The following LMO3 variants were observed in gnomAD, a reference collection of about 807,000 sequenced individuals.
LMO3 encodes the protein LIM domain only 3, also known as LIM domain only protein 3.
In LMO3, 2 loss-of-function variants were observed where a neutral mutation model predicts 15.8. That is an observed-to-expected ratio of 0.13 (90% confidence interval 0.05 to 0.40). The LOEUF is 0.40. LMO3 is among the 10% of genes least tolerant of loss of function. LMO3 has a pLI of 0.99. For synonymous variants in LMO3, 62 were observed against 63.8 expected, an observed-to-expected ratio of 0.97 and a Z score of 0.13; for missense variants, 86 against 182.2, an observed-to-expected ratio of 0.47 and a Z score of 3.04.
At chr12:16,556,578 A>G (rs927930791) in intron 3 of LMO3, among the ~76,000 whole-genome samples, 1 of 152,248 alleles carries the variant, frequency 6.6e-6, no homozygotes, top group African/African-American at 2.4e-5. Context: ...TTAGACGTCA[A>G]TAAAGTTTGC....
At chr12:16,592,228 A>G (rs898531263) in intron 2 of LMO3, among the ~76,000 whole-genome samples, 1 of 152,086 alleles carries the variant, frequency 6.6e-6, no homozygotes, top group African/African-American at 2.4e-5. Context: ...TAGAACTTTT[A>G]AAGAGATAGC....
chr12:16,564,775 T>C (rs1942532393), intron 2 of LMO3, among the ~76,000 whole-genome samples: 1 of 152,222 alleles, frequency 6.6e-6, no homozygotes, highest in Admixed American at 6.5e-5. Context: ...TTTAATGAGA[T>C]AAATATGCAT....
At position 16,604,361 on chromosome 12, in the gene LMO3, C is replaced by T. The variant is rs555144196; in HGVS notation, c.-9+1705G>A. ...GCCCCCTTCCCTATCCTTCACCCCC[C>T]TCCCCTTTTTGAGCAATGGAGCTGG... On this transcript the variant is annotated intron_variant, in intron 1 of 3. Coordinates refer to ENST00000537304, the MANE Select transcript of LMO3 (RefSeq NM_018640.5). This position sits in a 1 kb window ranked among gnomAD's most constrained non-coding sequence, Gnocchi z 5.3. Among the ~76,000 whole-genome samples the T allele has an allele frequency of 6.6e-6, 1 of 152,120 alleles. No individual in the cohort carries two copies. Among genetic ancestry groups the T allele is most frequent in the Non-Finnish European group, 1.5e-5 (1 of 68,022 alleles).
intron 2 of LMO3, among the ~76,000 whole-genome samples, chr12:16,561,354 G>GAATT (rs577203313): frequency 8.3e-4 from 127 of 152,224 alleles, no homozygotes; most frequent in African/African-American, 2.9e-3. Context: ...TGGAGGGGAA[G>GAATT]AATTATTACA....
intron 3 of LMO3, among the ~76,000 whole-genome samples, chr12:16,554,880 G>A (rs1942133030): frequency 1.3e-5 from 2 of 152,060 alleles, no homozygotes; most frequent in Admixed American, 6.5e-5. Context: ...GGATGGTCTC[G>A]ATCTCCCAAC....
intron 1 of LMO3, among the ~76,000 whole-genome samples, chr12:16,601,110 G>C (rs1278668102): frequency 1.3e-5 from 2 of 151,948 alleles, no homozygotes; most frequent in Admixed American, 1.3e-4. Context: ...TGTTGACCAT[G>C]GTAAATTGAC....
chr12:16,566,764 G>A (rs73054117), intron 2 of LMO3, among the ~76,000 whole-genome samples: 5,957 of 152,024 alleles, frequency 0.039, 174 homozygotes, highest in Non-Finnish European at 0.06. Context: ...AAAGTTCAAC[G>A]TATAAATATA....
chr12:16,551,226 C>T lies in LMO3; in HGVS notation c.434G>A (p.Arg145His), dbSNP rs777979802. Reference sequence around the variant, plus strand: ...TAATGGGGTGATGTTGATAGATCAGCGAACCTGGGGTGCATAACCTTCTTT... The same window carrying T: ...TAATGGGGTGATGTTGATAGATCAGTGAACCTGGGGTGCATAACCTTCTTT... ...LMKEGYAPQVR is the reference protein window; with the variant it reads ...LMKEGYAPQVH Residue 145 changes from arginine to histidine, a missense_variant, in exon 4 of 4, where the codon CGC becomes CAC. Arg to His is a conservative substitution (Grantham distance 29). Coordinates refer to ENST00000537304, the MANE Select transcript of LMO3 (RefSeq NM_018640.5). 5.0e-6 allele frequency: 8 copies of T among 1,590,064 alleles called. No individual in the cohort carries two copies. The highest frequency in any genetic ancestry group is 2.7e-5 in the African/African-American group (2 of 74,384).
rs770032655 is a variant in LMO3 at position 16,551,267 on chromosome 12, G to A, written c.393C>T (p.Tyr131=). The change falls in exon 4 of 4, where the codon TAC becomes TAT. Residue 131 remains tyrosine, a synonymous_variant. Coordinates refer to ENST00000537304, the MANE Select transcript of LMO3 (RefSeq NM_018640.5). ...AACCTTCTTTCATTAAACCTTCCTC[G>A]TAGTCCGTCTGGCAAAGGATCATGT... ...KNNMILCQTD[Y]EEGLMKEGYA... is the part of the protein sequence containing the mutation. 1.2e-5 allele frequency: 19 copies of A among 1,613,014 alleles called. No homozygotes were observed. The highest frequency in any genetic ancestry group is 4.4e-5 in the South Asian group (4 of 91,038).
At position 16,597,948 on chromosome 12, in the gene LMO3, A is replaced by T. The variant is rs1943709272; in HGVS notation, c.206+2707T>A. 6.6e-6 allele frequency: 1 copy of T among 152,068 alleles called. No homozygotes were observed. The highest frequency in any genetic ancestry group is 2.4e-5 in the African/African-American group (1 of 41,460). The allele number at this position is 152,068 out of a possible 1,614,324, so 9.4% of individuals were successfully genotyped here. A position where few individuals can be genotyped will look rare whatever the true frequency, so the allele number is the denominator to read the frequency against. ...TATGTAATTAAATAAACAATTAGAT[A>T]GTGGCAACTTTAGGTGTACCTTCCT... On this transcript the variant is annotated intron_variant, in intron 2 of 3. Coordinates refer to ENST00000537304, the MANE Select transcript of LMO3 (RefSeq NM_018640.5). The surrounding 1 kb of genome is among the most constrained non-coding windows in gnomAD (Gnocchi z 5.0).
rs369456578 is a variant in LMO3 at position 16,600,648 on chromosome 12, T to C, written c.206+7A>G. 2 of 1,612,572 alleles carry C rather than the reference T, an allele frequency of 1.2e-6. No homozygotes were observed. Among genetic ancestry groups the C allele is most frequent in the Non-Finnish European group, 1.7e-6 (2 of 1,178,726 alleles). On this transcript the variant is annotated splice_region_variant and intron_variant, in intron 2 of 3. Coordinates refer to ENST00000537304, the MANE Select transcript of LMO3 (RefSeq NM_018640.5). The stretch of plus-strand genomic sequence containing the variant: ...AGTCATCACTGGTGTGCAAGGATAA[T>C]TCCTACCTCAGATAGTCTCTGCGAC...
intron 2 of LMO3, among the ~76,000 whole-genome samples, chr12:16,571,116 C>G (rs1220512750): frequency 6.6e-6 from 1 of 152,030 alleles, no homozygotes; most frequent in Non-Finnish European, 1.5e-5. Flanking sequence ...GTTGAAGAAA[C>G]AACCTAACTA....
At chr12:16,588,007 T>C (rs1360095627) in intron 2 of LMO3, among the ~76,000 whole-genome samples, 1 of 152,154 alleles carries the variant, frequency 6.6e-6, no homozygotes, top group Non-Finnish European at 1.5e-5. Context: ...TGTCTTTCTC[T>C]TACGACTTCT....
Position 16,569,918 on chromosome 12 carries a change from A to G in LMO3, c.207-9380T>C, listed in dbSNP as rs535905734. Among the ~76,000 whole-genome samples the G allele has an allele frequency of 7.8e-4, 119 of 152,302 alleles. 1 individual carries two copies. Among genetic ancestry groups the G allele is most frequent in the Admixed American group, 1.3e-3 (20 of 15,286 alleles). On this transcript the variant is annotated intron_variant, in intron 2 of 3. Transcript: ENST00000537304. ...GAAACAAATATTTTATCTAATCACT[A>G]TAGCTCCTTGTTCTAATTTTAAGGT...
upstream of LMO3, chr12:16,606,927 A>G (rs1944020727): frequency 6.6e-6 from 1 of 152,146 alleles, no homozygotes; most frequent in Admixed American, 6.5e-5. Context: ...TTTAAAGCAA[A>G]TTGCCTTCCA....
At chr12:16,605,919 G>T in intron 1 of LMO3, 147 bp downstream of exon 1, 1 of 1,249,860 alleles carries the variant, frequency 8.0e-7, no homozygotes, top group Non-Finnish European at 1.1e-6. Context: ...AAGTTGCAGT[G>T]CGGAGCTGGG....
Position 16,560,967 on chromosome 12 carries a change from G to A in LMO3, c.207-429C>T, listed in dbSNP as rs1468356376. Among the ~76,000 whole-genome samples, 2 of 152,070 alleles carry A rather than the reference G, an allele frequency of 1.3e-5. No individual in the cohort carries two copies. Among genetic ancestry groups the A allele is most frequent in the African/African-American group, 2.4e-5 (1 of 41,406 alleles). ...ACTTTTTGACATTTAGTTACTAAAA[G>A]GTTTGCCATTATTATTAAAAATACA... On this transcript the variant is annotated intron_variant, in intron 2 of 3. Coordinates refer to ENST00000537304, the MANE Select transcript of LMO3 (RefSeq NM_018640.5). The surrounding 1 kb of genome is among the most constrained non-coding windows in gnomAD (Gnocchi z 5.0).
upstream of LMO3, chr12:16,606,921 A>G (rs1944020524): frequency 6.6e-6 from 1 of 152,178 alleles, no homozygotes; most frequent in South Asian, 2.1e-4. Flanking sequence ...GCTACATTTA[A>G]AGCAAATTGC....
intron 2 of LMO3, among the ~76,000 whole-genome samples, chr12:16,583,716 T>C (rs559912077): frequency 6.6e-6 from 1 of 152,244 alleles, no homozygotes; most frequent in East Asian, 1.9e-4. Flanking sequence ...TAGGAATGGA[T>C]TGAAAAAGGG....
Sources: gnomAD v4.1 joint callset for allele counts (sites outside exome capture counted in the v4.1 genomes callset) on GRCh38, gnomAD v4.1.1 for gene constraint, Gnocchi (gnomAD v3.1) non-coding constraint, MANE v1.5 for transcripts, NCBI Gene and HGNC (gene_info 2026-07-23, HGNC 2026-07-21) for gene names.